The following MIA2 variants were observed in gnomAD, a reference collection of about 807,000 sequenced individuals.
MIA2 encodes MIA SH3 domain ER export factor 2.
In MIA2, 127 loss-of-function variants were observed where a neutral mutation model predicts 167.8. The observed-to-expected ratio is 0.76, with a 90% CI of 0.66 to 0.88. MIA2 has a LOEUF of 0.88. Ranked by LOEUF, MIA2 falls within the 40% of genes least tolerant of loss-of-function variation. The pLI is 0.00. For missense variants in MIA2, 1,690 were observed against 1,624.7 expected (o/e 1.04, Z -0.69); for synonymous variants, 552 against 541.9 (o/e 1.02, Z -0.26).
intron 6 of MIA2, among the ~76,000 whole-genome samples, chr14:39,254,867 C>T (rs1485235029): frequency 6.6e-6 from 1 of 152,172 alleles, no homozygotes; most frequent in Non-Finnish European, 1.5e-5. Context: ...ATTGGAAGGA[C>T]AAATTGGATA....
chr14:39,289,315 A>G (rs542903415), intron 9 of MIA2, among the ~76,000 whole-genome samples: 2 of 152,152 alleles, frequency 1.3e-5, no homozygotes, highest in South Asian at 4.2e-4. Flanking sequence ...CATGGGCTCA[A>G]GTGATTCTTG....
intron 6 of MIA2, chr14:39,253,543 G>C (rs1053355937): frequency 1.7e-5 from 4 of 240,408 alleles, no homozygotes; most frequent in Admixed American, 5.5e-5. Flanking sequence ...GAGGCAGGAG[G>C]ATCCTTTTAC....
At chr14:39,257,926 G>A (rs1179815713) in intron 6 of MIA2, among the ~76,000 whole-genome samples, 3 of 152,190 alleles carry the variant, frequency 2.0e-5, no homozygotes, top group Non-Finnish European at 4.4e-5. Context: ...CTCTCTTCTG[G>A]CTTATAGGAT....
At chr14:39,283,460 A>C (rs2059225346) in intron 9 of MIA2, among the ~76,000 whole-genome samples, 1 of 152,196 alleles carries the variant, frequency 6.6e-6, no homozygotes, top group Non-Finnish European at 1.5e-5. Flanking sequence ...TGTTATAATG[A>C]AACAATGTTG....
At chr14:39,332,409 A>G (rs1227320997) in intron 25 of MIA2, among the ~76,000 whole-genome samples, 1 of 151,848 alleles carries the variant, frequency 6.6e-6, no homozygotes, top group Non-Finnish European at 1.5e-5. Context: ...AGCTTGGCGG[A>G]GTTTATTACT....
chr14:39,277,006 T>C lies in MIA2; in HGVS notation c.1960T>C (p.Cys654Arg), dbSNP rs775259334. The C allele has an allele frequency of 1.3e-5, 21 of 1,613,882 alleles. No homozygotes were observed. The highest frequency in any genetic ancestry group is 4.5e-5 in the East Asian group (2 of 44,880). ...TGGTTTTCCATGGGAATTGGTGATA[T>C]GTGCAGCTGTTGTTGGATTTTTTGC... ...LYGFPWELVI[C>R]AAVVGFFAVL... The change falls in exon 7 of 29, where the codon TGT (cysteine) becomes CGT (arginine). Residue 654 changes from cysteine to arginine, a missense_variant. By Grantham distance (180) the Cys-to-Arg change is radical. Coordinates refer to ENST00000640607, the MANE Select transcript of MIA2 (RefSeq NM_001329214.4).
At chr14:39,311,093 A>T (rs965229400) in intron 18 of MIA2, among the ~76,000 whole-genome samples, 1 of 152,138 alleles carries the variant, frequency 6.6e-6, no homozygotes, top group Non-Finnish European at 1.5e-5. Context: ...AAGAAAAGGT[A>T]TTTTCTTTAG....
intron 13 of MIA2, among the ~76,000 whole-genome samples, chr14:39,299,348 GC>G (rs1392939284): frequency 1.8e-5 from 2 of 108,176 alleles, no homozygotes; most frequent in African/African-American, 3.6e-5. Context: ...TCGCTCTGTT[GC>G]CAGGCTGGAG....
intron 14 of MIA2, among the ~76,000 whole-genome samples, chr14:39,300,284 G>C (rs1180092220): frequency 6.6e-6 from 1 of 152,022 alleles, no homozygotes; most frequent in Non-Finnish European, 1.5e-5. Flanking sequence ...GATGCTATCT[G>C]CTCCTGTTAG....
chr14:39,260,101 T>C (rs995987190), intron 6 of MIA2, among the ~76,000 whole-genome samples: 1 of 152,220 alleles, frequency 6.6e-6, no homozygotes, highest in Non-Finnish European at 1.5e-5. Flanking sequence ...CTTAATCCAG[T>C]CTGTCATTGA....
At chr14:39,307,814 T>C (rs1181051800) in intron 17 of MIA2, among the ~76,000 whole-genome samples, 1 of 152,168 alleles carries the variant, frequency 6.6e-6, no homozygotes, top group African/African-American at 2.4e-5. Flanking sequence ...TGAGTGAGCC[T>C]ATTTTAAGTG....
At chr14:39,278,054 A>G (rs1004776179) in intron 7 of MIA2, among the ~76,000 whole-genome samples, 4 of 151,446 alleles carry the variant, frequency 2.6e-5, no homozygotes, top group African/African-American at 9.7e-5. Context: ...GCTCACTGCA[A>G]TCTCTGCTTC....
chr14:39,302,144 T>G lies in MIA2; in HGVS notation c.2635T>G (p.Leu879Val), dbSNP rs1482438154. The G allele has an allele frequency of 2.5e-6, 4 of 1,613,614 alleles. No individual in the cohort carries two copies. In the South Asian group the frequency reaches 3.3e-5, roughly 13 times the overall value. The change falls in exon 15 of 29, where the codon TTG becomes GTG. Residue 879 changes from leucine (L) to valine (V), a missense_variant. By Grantham distance (32) the Leu-to-Val change is conservative. Transcript: ENST00000640607. ...CAATGTCAAGACTCTGACTGAACGC[T>G]TGTTAAAGATGAAAGATTGGGCTGC... ...ESHIKTLTER[L>V]LKMKDWAAML...
intron 1 of MIA2, 108 bp from the exon 2 acceptor site, chr14:39,236,814 A>C: frequency 9.4e-7 from 1 of 1,066,158 alleles, no homozygotes; most frequent in Non-Finnish European, 1.3e-6. Context: ...GATATAAAGA[A>C]ATTAGCATTT....
chr14:39,288,453 A>ATTTTTTTTTTT (rs1566747188), intron 9 of MIA2, among the ~76,000 whole-genome samples: 1 of 13,808 alleles, frequency 7.2e-5, no homozygotes, highest in Admixed American at 9.4e-4. Flanking sequence ...ATATATATAT[A>ATTTTTTTTTTT]TATATATATA....
intron 9 of MIA2, among the ~76,000 whole-genome samples, chr14:39,286,173 G>A (rs1212983985): frequency 1.3e-5 from 2 of 152,230 alleles, no homozygotes; most frequent in Non-Finnish European, 2.9e-5. Flanking sequence ...CTGAGTGAAC[G>A]AGACTCCATC....
At chr14:39,328,694 T>A (rs1035222002) in intron 25 of MIA2, among the ~76,000 whole-genome samples, 6 of 152,192 alleles carry the variant, frequency 3.9e-5, no homozygotes, top group African/African-American at 1.4e-4. Flanking sequence ...GGCTAGCCAT[T>A]TTTCCGAACG....
chr14:39,352,199 C>CTT (rs11392444), downstream of MIA2, among the ~76,000 whole-genome samples: 2,582 of 133,018 alleles, frequency 0.019, 42 homozygotes, highest in Middle Eastern at 0.033. Flanking sequence ...TTGTTTTTGG[C>CTT]TTTTTTTTTT....
intron 27 of MIA2, 54 bp from the exon 28 acceptor site, chr14:39,348,689 A>G: frequency 6.2e-7 from 1 of 1,601,658 alleles, no homozygotes; most frequent in Non-Finnish European, 8.6e-7. Context: ...GATTTTCGGG[A>G]AAATGATTGC....
Sources: gnomAD v4.1 joint callset for allele counts (sites outside exome capture counted in the v4.1 genomes callset) on GRCh38, gnomAD v4.1.1 for gene constraint, MANE v1.5 for transcripts, NCBI Gene and HGNC (gene_info 2026-07-23, HGNC 2026-07-21) for gene names.